The following FTCD variants were observed in gnomAD, a reference collection of about 807,000 sequenced individuals.
The protein encoded by FTCD is formimidoyltransferase-cyclodeaminase.
FTCD carries 76 observed loss-of-function variants against 62.9 expected under a neutral mutation model. The ratio of observed to expected loss-of-function variants is 1.21; its 90% CI spans 1.00 to 1.46. FTCD has a LOEUF of 1.46. Ranked by LOEUF, FTCD falls within the 40% of genes most tolerant of loss-of-function variation. The probability of loss-of-function intolerance (pLI) is 0.00; values close to 1 mark genes in which losing one functional copy is unlikely to be tolerated. For synonymous variants in FTCD, 397 were observed against 336.9 expected (o/e 1.18, Z -1.95); for missense variants, 845 against 751.3 (o/e 1.12, Z -1.46).
chr21:46,152,943 A>C lies in FTCD; in HGVS notation c.331T>G (p.Phe111Val). Residue 111 changes from phenylalanine to valine, a missense_variant, in exon 3 of 14, where the codon TTT becomes GTT. Phe to Val is a conservative substitution (Grantham distance 50). Transcript: ENST00000397746. ...AGCTCCTCTGCCAGCCTCTGGCCAAAGGCCTGGGCGCAGAGCACACACTCA... is the reference window on the plus strand; with the variant it reads ...AGCTCCTCTGCCAGCCTCTGGCCAACGGCCTGGGCGCAGAGCACACACTCA... ...VDECVLCAQA[F>V]GQRLAEELDV... is the part of the protein sequence containing the mutation. 1 of 1,564,612 alleles carries C rather than the reference A, an allele frequency of 6.4e-7. No homozygotes were observed. The highest frequency in any genetic ancestry group is 8.7e-7 in the Non-Finnish European group (1 of 1,154,836).
chr21:46,151,749 T>C lies in FTCD; in HGVS notation c.457-12A>G, dbSNP rs755070136. ...TCGGCCTGCTGGAGCTGTGAGCAAG[T>C]TCGCTCTGGGGTGAGACATCCCCCA... is the stretch of plus-strand genomic sequence containing the variant. On this transcript the variant is annotated splice_polypyrimidine_tract_variant and intron_variant, in intron 4 of 13. Transcript: ENST00000397746. The C allele has an allele frequency of 1.2e-5, 19 of 1,612,396 alleles. No homozygotes were observed. In the African/African-American group the frequency reaches 2.3e-4, roughly 19 times the overall value.
chr21:46,153,534 T>C (rs1489454968), intron 2 of FTCD, among the ~76,000 whole-genome samples: 2 of 152,168 alleles, frequency 1.3e-5, no homozygotes, highest in African/African-American at 2.4e-5. Context: ...TCGCTGTGGC[T>C]ACACCAAGCC....
chr21:46,148,800 CTG>C (rs926547839), intron 7 of FTCD, among the ~76,000 whole-genome samples: 8 of 152,180 alleles, frequency 5.3e-5, no homozygotes, highest in Non-Finnish European at 8.8e-5. Flanking sequence ...GCTCAGTGCT[CTG>C]TGTTACGTGA....
Position 46,138,499 on chromosome 21 carries a change from C to A in FTCD, c.1443+9G>T, listed in dbSNP as rs750817590. ...GGCAGGAGGCCTGGGGTCCCCCGGGCCCCCCTACCTGGAGGTCTGACCGGC... is the reference window on the plus strand; with the variant it reads ...GGCAGGAGGCCTGGGGTCCCCCGGGACCCCCTACCTGGAGGTCTGACCGGC... On this transcript the variant is annotated intron_variant, in intron 12 of 13. Transcript: ENST00000397746. The A allele has an allele frequency of 1.3e-6, 2 of 1,559,952 alleles. No homozygotes were observed. Among genetic ancestry groups the A allele is most frequent in the Non-Finnish European group, 1.7e-6 (2 of 1,168,756 alleles).
chr21:46,151,934 C>T lies in FTCD; in HGVS notation c.414G>A (p.Leu138=). ...EAARMDSRRT[L]PAIRAGEYEA... ...CGTACTCCCCGGCCCGGATGGCCGG[C>T]AGGGTCCGGCGACTGTCCATCCTGG... Residue 138 remains leucine, a synonymous_variant, in exon 4 of 14, where the codon CTG becomes CTA. Coordinates refer to ENST00000397746, the MANE Select transcript of FTCD (RefSeq NM_206965.2). 1.3e-6 allele frequency: 2 copies of T among 1,573,108 alleles called. No individual in the cohort carries two copies. The highest frequency in any genetic ancestry group is 1.7e-6 in the Non-Finnish European group (2 of 1,159,906).
At chr21:46,136,501 C>A, downstream of FTCD, 1 of 1,612,378 alleles carries the variant, frequency 6.2e-7, no homozygotes. Flanking sequence ...GTTTCTGTCC[C>A]ATGCACAGAA....
At position 46,154,212 on chromosome 21, in the gene FTCD, C is replaced by A. The variant is rs776056626; in HGVS notation, c.175G>T (p.Val59Leu). 6.2e-7 allele frequency: 1 copy of A among 1,612,756 alleles called. No homozygotes were observed. ...YTFVGPPECV[V>L]EGALNAARVA... ...CGGGCAGCGTTGAGGGCCCCCTCCA[C>A]CACGCACTCCGGCGGCCCCACGAAG... The change falls in exon 2 of 14, where the codon GTG becomes TTG. Residue 59 changes from valine (V) to leucine (L), a missense_variant. Transcript: ENST00000397746.
chr21:46,138,361 G>A (rs2078916780), intron 12 of FTCD, 147 bp downstream of exon 12: 1 of 724,514 alleles, frequency 1.4e-6, no homozygotes, highest in Non-Finnish European at 2.3e-6. Context: ...CCCTGTTGGA[G>A]GAGGCCAAAG....
intron 12 of FTCD, among the ~76,000 whole-genome samples, chr21:46,137,829 C>T (rs765100992): frequency 8.7e-5 from 11 of 126,952 alleles, no homozygotes; most frequent in Non-Finnish European, 6.8e-5. Flanking sequence ...TTCTCTGGGA[C>T]CCTCTGCCCA....
At chr21:46,139,301 G>A (rs1372996105) in intron 10 of FTCD, among the ~76,000 whole-genome samples, 2 of 152,190 alleles carry the variant, frequency 1.3e-5, no homozygotes, top group South Asian at 4.1e-4. Context: ...CCAAGCCTGG[G>A]CATAAGAGGC....
chr21:46,142,582 C>G (rs1322774210), intron 10 of FTCD: 1 of 152,278 alleles, frequency 6.6e-6, no homozygotes, highest in Non-Finnish European at 1.5e-5. Context: ...AAGCTACACA[C>G]CTTGGCAGTG....
At chr21:46,151,782 G>C (rs2079284441) in intron 4 of FTCD, 45 bp from the exon 5 acceptor site, 2 of 1,606,540 alleles carry the variant, frequency 1.2e-6, no homozygotes, top group East Asian at 4.5e-5. Context: ...CCACGGGAGG[G>C]AACAGCCCCC....
rs1367514872 is a variant in FTCD, at chr21:46,145,533, G to A, written c.1144C>T (p.Arg382Cys). 4 of 1,546,698 alleles carry A rather than the reference G, an allele frequency of 2.6e-6. No individual in the cohort carries two copies. Among genetic ancestry groups the A allele is most frequent in the Admixed American group, 2.0e-5 (1 of 50,962 alleles). Residue 382 changes from arginine to cysteine, a missense_variant, in exon 10 of 14, where the codon CGC becomes TGC. By Grantham distance (180) the Arg-to-Cys change is radical. Coordinates refer to ENST00000397746, the MANE Select transcript of FTCD (RefSeq NM_206965.2). ...GTCGTGTCCAGGGACTGGAATTGGC[G>A]CCGCCCGTAGGTCATGAGGCCCACC... ...SMVGLMTYGRRQFQSLDTTMR... is the reference protein window; with the variant it reads ...SMVGLMTYGRCQFQSLDTTMR...
At chr21:46,142,552 T>C (rs2079042317) in intron 10 of FTCD, 1 of 152,238 alleles carries the variant, frequency 6.6e-6, no homozygotes. Context: ...GGGTTGGTGG[T>C]CTCGCTGACT....
At chr21:46,150,275 C>A in intron 6 of FTCD, 25 bp from the exon 7 acceptor site, 1 of 1,608,616 alleles carries the variant, frequency 6.2e-7, no homozygotes, top group South Asian at 1.1e-5. Context: ...GCAGCGTCAC[C>A]CCCTGGGGGC....
chr21:46,145,005 G>C (rs752384984), intron 10 of FTCD, among the ~76,000 whole-genome samples: 35 of 151,956 alleles, frequency 2.3e-4, no homozygotes, highest in Non-Finnish European at 4.0e-4. Flanking sequence ...GTCGTCTCTG[G>C]CCTGCCTGAG....
At chr21:46,141,601 G>A (rs2079008162) in intron 10 of FTCD, among the ~76,000 whole-genome samples, 1 of 151,958 alleles carries the variant, frequency 6.6e-6, no homozygotes, top group Non-Finnish European at 1.5e-5. Flanking sequence ...AGTCAGGATT[G>A]ACACATTCCA....
At chr21:46,144,197 G>A (rs558329796) in intron 10 of FTCD, among the ~76,000 whole-genome samples, 78 of 151,576 alleles carry the variant, frequency 5.1e-4, no homozygotes, top group African/African-American at 1.7e-3. Flanking sequence ...AAATAACAGC[G>A]CAGCCAGGCA....
intron 2 of FTCD, 131 bp downstream of exon 2, chr21:46,154,018 A>T: frequency 1.1e-6 from 1 of 928,386 alleles, no homozygotes; most frequent in South Asian, 1.3e-5. Context: ...TAGGAGAGCC[A>T]GAGCCAGCCC....
Sources: allele counts gnomAD v4.1 joint callset (sites outside exome capture counted in the v4.1 genomes callset), GRCh38; gene constraint gnomAD v4.1.1; transcripts MANE v1.5; gene names NCBI Gene and HGNC (gene_info 2026-07-23, HGNC 2026-07-21).